CPS1: variants seen among roughly 807,000 people sequenced by gnomAD.
The protein encoded by CPS1 is carbamoyl-phosphate synthase [ammonia], mitochondrial.
Under a neutral mutation model 174.6 loss-of-function variants are expected in CPS1, and 109 were observed. That is an observed-to-expected ratio of 0.62 (90% CI 0.53 to 0.73). The LOEUF (loss-of-function observed/expected upper bound fraction) is 0.73, where lower values mean the gene tolerates loss of function less well. Ranked by LOEUF, CPS1 falls within the 30% of genes least tolerant of loss-of-function variation. The pLI is 0.00. For missense variants in CPS1, 1,689 were observed against 1,821.9 expected (o/e 0.93, Z 1.33); for synonymous variants, 637 against 632.0 (o/e 1.01, Z -0.12).
At chr2:210,673,172 A>G (rs1048433351) in intron 34 of CPS1, 1 of 152,242 alleles carries the variant, frequency 6.6e-6, no homozygotes, top group Non-Finnish European at 1.5e-5. Flanking sequence ...ACCTTTTTAC[A>G]AGGGAAACCA....
intron 5 of CPS1, among the ~76,000 whole-genome samples, chr2:210,582,299 G>T (rs1559087776): frequency 6.6e-6 from 1 of 152,016 alleles, no homozygotes; most frequent in Non-Finnish European, 1.5e-5. Context: ...GCTGAGTAGT[G>T]TAAGTTTACT....
intron 34 of CPS1, 91 bp from the exon 35 acceptor site, chr2:210,674,811 T>C: frequency 9.6e-7 from 1 of 1,039,868 alleles, no homozygotes; most frequent in East Asian, 2.4e-5. Flanking sequence ...ACATGTAACA[T>C]TGTCTTTTAA....
intron 21 of CPS1, among the ~76,000 whole-genome samples, chr2:210,636,397 A>G (rs960302603): frequency 6.6e-6 from 1 of 151,120 alleles, no homozygotes; most frequent in Non-Finnish European, 1.5e-5. Flanking sequence ...TTATATTTAC[A>G]TTTAATTTAT....
At chr2:210,599,330 T>C (rs756049999) in intron 13 of CPS1, 42 bp from the exon 14 acceptor site, 6 of 1,576,078 alleles carry the variant, frequency 3.8e-6, no homozygotes, top group Non-Finnish European at 5.2e-6. Flanking sequence ...TTCTCTTCTT[T>C]AGACCATATA....
intron 1 of CPS1, among the ~76,000 whole-genome samples, chr2:210,513,748 A>AT (rs1695597406): frequency 6.6e-6 from 1 of 151,844 alleles, no homozygotes; most frequent in South Asian, 2.1e-4. Flanking sequence ...GGACTTAGTC[A>AT]TAAATTCTTT....
At chr2:210,555,890 TA>T (rs981921498), upstream of CPS1, among the ~76,000 whole-genome samples, 1 of 151,986 alleles carries the variant, frequency 6.6e-6, no homozygotes, top group Non-Finnish European at 1.5e-5. Flanking sequence ...TTTTAATAAC[TA>T]AAAAAACTTG....
chr2:210,605,342 A>T, intron 17 of CPS1, 96 bp downstream of exon 17: 2 of 1,341,050 alleles, frequency 1.5e-6, no homozygotes, highest in South Asian at 1.2e-5. Context: ...TTAAATTACT[A>T]TTTCTAGTTG....
At chr2:210,650,103 G>A (rs1268588778) in intron 27 of CPS1, among the ~76,000 whole-genome samples, 1 of 152,140 alleles carries the variant, frequency 6.6e-6, no homozygotes, top group Non-Finnish European at 1.5e-5. Flanking sequence ...ATAATTTCTA[G>A]AGCTACCAGG....
chr2:210,512,582 A>G (rs1447136337), intron 1 of CPS1, among the ~76,000 whole-genome samples: 1 of 151,204 alleles, frequency 6.6e-6, no homozygotes, highest in African/African-American at 2.4e-5. Flanking sequence ...TATATGCAGC[A>G]TGTTTTCTTT....
chr2:210,524,102 C>G (rs1459397200), intron 1 of CPS1, among the ~76,000 whole-genome samples: 1 of 151,958 alleles, frequency 6.6e-6, no homozygotes, highest in Non-Finnish European at 1.5e-5. Flanking sequence ...ACATAACTTC[C>G]CTTCTCCCAG....
intron 21 of CPS1, among the ~76,000 whole-genome samples, chr2:210,621,869 T>G (rs990513696): frequency 1.3e-5 from 2 of 152,100 alleles, no homozygotes; most frequent in East Asian, 3.9e-4. Context: ...TCACAAAAAT[T>G]TTTGGACTAC....
chr2:210,604,971 C>G, intron 16 of CPS1, 131 bp from the exon 17 acceptor site: 2 of 920,170 alleles, frequency 2.2e-6, no homozygotes, highest in South Asian at 2.9e-5. Context: ...GCCTTCTGTG[C>G]AGGGGAGAAT....
At chr2:210,591,563 A>G (rs905952321) in intron 9 of CPS1, among the ~76,000 whole-genome samples, 4 of 152,002 alleles carry the variant, frequency 2.6e-5, no homozygotes, top group African/African-American at 9.7e-5. Flanking sequence ...CCTTTTTGTT[A>G]TGAGTGCAAT....
chr2:210,535,020 T>C (rs1696209609), intron 1 of CPS1, among the ~76,000 whole-genome samples: 1 of 152,164 alleles, frequency 6.6e-6, no homozygotes. Flanking sequence ...CTGGACTACA[T>C]GCTCAGGCTC....
intron 6 of CPS1, among the ~76,000 whole-genome samples, chr2:210,583,635 A>G (rs907397087): frequency 3.9e-5 from 6 of 152,122 alleles, no homozygotes; most frequent in African/African-American, 7.2e-5. Flanking sequence ...ACAACATAGT[A>G]TATTTGAAGA....
At chr2:210,539,644 G>T (rs1390059382) in intron 1 of CPS1, among the ~76,000 whole-genome samples, 4 of 152,160 alleles carry the variant, frequency 2.6e-5, no homozygotes, top group Non-Finnish European at 5.9e-5. Context: ...GAAGGAAAGG[G>T]TAATCAGATT....
In CPS1 at chr2:210,639,991, C is replaced by T. The variant is rs1559121865; in HGVS notation, c.2896-5C>T. 6.2e-7 allele frequency: 1 copy of T among 1,606,054 alleles called. No individual in the cohort carries two copies. Among genetic ancestry groups the T allele is most frequent in the African/African-American group, 1.3e-5 (1 of 74,788 alleles). On this transcript the variant is annotated splice_region_variant and splice_polypyrimidine_tract_variant and intron_variant, in intron 23 of 37. Transcript: ENST00000233072. ...TTCTGCATCTTCCTTTTCTTATTTCCTCAGGAGCATGATGTCAATTTTGAT... is the reference window on the plus strand; with the variant it reads ...TTCTGCATCTTCCTTTTCTTATTTCTTCAGGAGCATGATGTCAATTTTGAT...
At chr2:210,647,473 A>G (rs1296625628) in intron 25 of CPS1, among the ~76,000 whole-genome samples, 1 of 152,202 alleles carries the variant, frequency 6.6e-6, no homozygotes. Flanking sequence ...TGAAGTGCTG[A>G]GATGGAGGTG....
At chr2:210,500,151 G>A (rs536900575) in intron 1 of CPS1, among the ~76,000 whole-genome samples, 50 of 151,998 alleles carry the variant, frequency 3.3e-4, no homozygotes, top group East Asian at 7.8e-4. Flanking sequence ...TGGGGGAACC[G>A]CCCCCATGAT....
Sources: gnomAD v4.1 joint callset for allele counts (sites outside exome capture counted in the v4.1 genomes callset) on GRCh38, gnomAD v4.1.1 for gene constraint, MANE v1.5 for transcripts, NCBI Gene and HGNC (gene_info 2026-07-23, HGNC 2026-07-21) for gene names.